CSRNP2: variants seen among roughly 807,000 people sequenced by gnomAD.
The protein encoded by CSRNP2 is cysteine/serine-rich nuclear protein 2.
CSRNP2 carries 11 observed loss-of-function variants against 36.6 expected under a neutral mutation model. The ratio of observed to expected loss-of-function variants is 0.30; its 90% CI spans 0.19 to 0.50. The LOEUF is 0.50. CSRNP2 is among the 20% of genes least tolerant of loss of function. The probability of loss-of-function intolerance (pLI) is 0.98; values close to 1 mark genes in which losing one functional copy is unlikely to be tolerated. For missense variants in CSRNP2, 483 were observed against 691.4 expected (o/e 0.70, Z 3.38); for synonymous variants, 248 against 275.3 (o/e 0.90, Z 0.98).
intron 2 of CSRNP2, among the ~76,000 whole-genome samples, chr12:51,074,468 C>G (rs1939313068): frequency 6.6e-6 from 1 of 152,166 alleles, no homozygotes; most frequent in South Asian, 2.1e-4. Flanking sequence ...CTTGCTCTTT[C>G]TCATCCATCT....
rs1468423170 is a variant in CSRNP2 at position 51,061,806 on chromosome 12, G to C, written c.*1940C>G. ...AAGCCGGAGCCTTCCTGCAGAGACAGTGGGCAAACCTCACCCTCCCCTTCC... is the reference window on the plus strand; with the variant it reads ...AAGCCGGAGCCTTCCTGCAGAGACACTGGGCAAACCTCACCCTCCCCTTCC... On this transcript the variant is annotated 3_prime_UTR_variant, in exon 5 of 5. Coordinates refer to ENST00000228515, the MANE Select transcript of CSRNP2 (RefSeq NM_030809.3). The C allele has an allele frequency of 6.6e-6, 1 of 152,174 alleles. No individual in the cohort carries two copies. Among genetic ancestry groups the C allele is most frequent in the African/African-American group, 2.4e-5 (1 of 41,426 alleles). 9.4% of individuals were successfully genotyped at this position (152,174 alleles called of 1,614,324 possible).
chr12:51,076,222 G>A (rs970588643), intron 2 of CSRNP2, among the ~76,000 whole-genome samples, 189 bp downstream of exon 2: 1 of 152,076 alleles, frequency 6.6e-6, no homozygotes, highest in African/African-American at 2.4e-5. Flanking sequence ...CAACCCACAA[G>A]ACAAGTAAAA....
chr12:51,072,991 A>G (rs1939247045), intron 3 of CSRNP2, among the ~76,000 whole-genome samples: 1 of 151,960 alleles, frequency 6.6e-6, no homozygotes, highest in South Asian at 2.1e-4. Context: ...GGAGGTCAAG[A>G]GGGAAGGACC....
At chr12:51,081,316 A>AT (rs945939509) in intron 1 of CSRNP2, 3 of 152,078 alleles carry the variant, frequency 2.0e-5, no homozygotes, top group African/African-American at 7.2e-5. Context: ...ATAAAAATAA[A>AT]TTTTTTAAAA....
At chr12:51,073,009 C>G (rs1252435975) in intron 3 of CSRNP2, among the ~76,000 whole-genome samples, 9 of 151,812 alleles carry the variant, frequency 5.9e-5, no homozygotes, top group Non-Finnish European at 1.3e-4. Flanking sequence ...ACCACTTGAG[C>G]CCAGGAATTG....
In CSRNP2 at chr12:51,063,238, A is replaced by G. The variant is rs1937754397; in HGVS notation, c.*508T>C. Reference sequence around the variant, plus strand: ...TTTGTAAATCCTGGAGATTTTGTACAGAAGCAGAGACCCTTCCACTCCCTC... The same window carrying G: ...TTTGTAAATCCTGGAGATTTTGTACGGAAGCAGAGACCCTTCCACTCCCTC... On this transcript the variant is annotated 3_prime_UTR_variant, in exon 5 of 5. Transcript: ENST00000228515. The G allele has an allele frequency of 6.6e-6, 1 of 152,240 alleles. No individual in the cohort carries two copies. Among genetic ancestry groups the G allele is most frequent in the African/African-American group, 2.4e-5 (1 of 41,432 alleles). The allele number at this position is 152,240 out of a possible 1,614,324, so 9.4% of individuals were successfully genotyped here.
At chr12:51,077,193 C>T (rs1939436897) in intron 1 of CSRNP2, among the ~76,000 whole-genome samples, 1 of 152,186 alleles carries the variant, frequency 6.6e-6, no homozygotes, top group Admixed American at 6.5e-5. Context: ...AATCCTCCTG[C>T]CTCAGCCTCC....
chr12:51,063,822 C>A lies in CSRNP2; in HGVS notation c.1556G>T (p.Gly519Val). The change falls in exon 5 of 5, where the codon GGG becomes GTG. Residue 519 changes from glycine (G) to valine (V), a missense_variant. Physicochemically the swap from Gly to Val is moderately radical, Grantham distance 109. Coordinates refer to ENST00000228515, the MANE Select transcript of CSRNP2 (RefSeq NM_030809.3). ...PFRTDNEEGC[G>V]MVKTSQQNED... Reference sequence around the variant, plus strand: ...ATTCTGCTGGGAGGTCTTCACCATCCCACAGCCCTCTTCATTGTCCGTGCG... The same window carrying A: ...ATTCTGCTGGGAGGTCTTCACCATCACACAGCCCTCTTCATTGTCCGTGCG... 1 of 1,612,730 alleles carries A rather than the reference C, an allele frequency of 6.2e-7. No individual in the cohort carries two copies. The highest frequency in any genetic ancestry group is 1.1e-5 in the South Asian group (1 of 90,890).
In CSRNP2 at chr12:51,064,719, A is replaced by T. The variant is rs11832566; in HGVS notation, c.709-50T>A. On this transcript the variant is annotated intron_variant, in intron 4 of 4. Transcript: ENST00000228515. ...GCAAGATGAGACCTACAATCCTAAC[A>T]ATGGAGACAGGAGACATGAGCTGGC... is the stretch of plus-strand genomic sequence containing the variant. 6.6e-3 allele frequency: 9,563 copies of T among 1,445,806 alleles called. 499 individuals carry two copies. The African/African-American group carries it at 0.12, about 18-fold the overall frequency. The allele number at this position is 1,445,806 out of a possible 1,614,324, so 89.6% of individuals were successfully genotyped here.
chr12:51,069,827 G>C (rs1048130583), intron 3 of CSRNP2, among the ~76,000 whole-genome samples: 1 of 151,724 alleles, frequency 6.6e-6, no homozygotes, highest in Non-Finnish European at 1.5e-5. Flanking sequence ...CGAGTAGTTG[G>C]GACTACAGGC....
At chr12:51,081,286 A>G (rs1013613485) in intron 1 of CSRNP2, 5 of 152,114 alleles carry the variant, frequency 3.3e-5, no homozygotes, top group Non-Finnish European at 7.4e-5. Flanking sequence ...AGACCTGCCT[A>G]AAAAAATAAA....
In CSRNP2 at chr12:51,067,670, G is replaced by A. The variant is rs1938547144; in HGVS notation, c.708+3C>T. The A allele has an allele frequency of 1.9e-6, 3 of 1,612,354 alleles. No homozygotes were observed. The highest frequency in any genetic ancestry group is 1.7e-6 in the Non-Finnish European group (2 of 1,179,010). On this transcript the variant is annotated splice_donor_region_variant and intron_variant, in intron 4 of 4. Transcript: ENST00000228515. This position sits in a 1 kb window ranked among gnomAD's most constrained non-coding sequence, Gnocchi z 4.1. ...ATACTATCTCAGGCCAACTTGGACT[G>A]ACCTGGCATTTAATCCCAGCCTGGC... is the stretch of plus-strand genomic sequence containing the variant.
At chr12:51,080,127 A>AGCAGGCAGGCAGGCAGGCAGGCAGGCAG (rs138392211) in intron 1 of CSRNP2, among the ~76,000 whole-genome samples, 3 of 137,832 alleles carry the variant, frequency 2.2e-5, no homozygotes, top group African/African-American at 5.5e-5. Context: ...GAAGAAGGCA[A>AGCAGGCAGGCAGGCAGGCAGGCAGGCAG]GCAGGCAGGC....
intron 1 of CSRNP2, among the ~76,000 whole-genome samples, chr12:51,079,319 C>T (rs1176913857): frequency 6.6e-6 from 1 of 151,218 alleles, no homozygotes; most frequent in African/African-American, 2.4e-5. Context: ...ATGTAACAAA[C>T]CTGCATGTTG....
chr12:51,067,445 G>A lies in CSRNP2; in HGVS notation c.708+228C>T, dbSNP rs551971781. 1.8e-4 allele frequency among the ~76,000 whole-genome samples: 28 copies of A among 152,044 alleles called. No individual in the cohort carries two copies. The highest frequency in any genetic ancestry group is 3.4e-4 in the Non-Finnish European group (23 of 67,958). On this transcript the variant is annotated intron_variant, in intron 4 of 4. Coordinates refer to ENST00000228515, the MANE Select transcript of CSRNP2 (RefSeq NM_030809.3). The surrounding 1 kb of genome is among the most constrained non-coding windows in gnomAD (Gnocchi z 4.1). ...CAGCCTTGACCTCCTGGACTCAAGA[G>A]ATCCTCCTACCTCAGCCTCCCACAT...
Position 51,062,142 on chromosome 12 carries a change from G to C in CSRNP2, c.*1604C>G, listed in dbSNP as rs1937632692. ...CAAATCTTTTCAGGCTCAGAGTTTAGAGACTTCAGGGGTGAAATGCTGCTG... is the reference window on the plus strand; with the variant it reads ...CAAATCTTTTCAGGCTCAGAGTTTACAGACTTCAGGGGTGAAATGCTGCTG... On this transcript the variant is annotated 3_prime_UTR_variant, in exon 5 of 5. Transcript: ENST00000228515. The C allele has an allele frequency of 1.3e-5, 2 of 152,178 alleles. No individual in the cohort carries two copies. The highest frequency in any genetic ancestry group is 4.8e-5 in the African/African-American group (2 of 41,446). The allele number at this position is 152,178 out of a possible 1,614,324, so 9.4% of individuals were successfully genotyped here. A position where few individuals can be genotyped will look rare whatever the true frequency, so the allele number is the denominator to read the frequency against.
chr12:51,066,225 C>T (rs145433364), intron 4 of CSRNP2, among the ~76,000 whole-genome samples: 2,180 of 152,254 alleles, frequency 0.014, 26 homozygotes, highest in Non-Finnish European at 0.022. Flanking sequence ...GAGGCTGAGG[C>T]AGGCGGATCA....
At chr12:51,065,376 G>A (rs1003782464) in intron 4 of CSRNP2, among the ~76,000 whole-genome samples, 2 of 151,914 alleles carry the variant, frequency 1.3e-5, no homozygotes, top group Non-Finnish European at 2.9e-5. Context: ...ATTCCAACAG[G>A]AAAAACACAT....
chr12:51,073,107 T>C (rs1465941615), intron 3 of CSRNP2, among the ~76,000 whole-genome samples: 1 of 151,896 alleles, frequency 6.6e-6, no homozygotes, highest in Non-Finnish European at 1.5e-5. Context: ...GGTTCCCAGA[T>C]ACTTGGGAGG....
Sources: gnomAD v4.1 joint callset for allele counts (sites outside exome capture counted in the v4.1 genomes callset) on GRCh38, gnomAD v4.1.1 for gene constraint, Gnocchi (gnomAD v3.1) non-coding constraint, MANE v1.5 for transcripts, NCBI Gene and HGNC (gene_info 2026-07-23, HGNC 2026-07-21) for gene names.